DMBT1: variants seen among roughly 807,000 people sequenced by gnomAD.
DMBT1 encodes the protein scavenger receptor cysteine-rich domain-containing protein DMBT1.
A neutral mutation model predicts 252.9 loss-of-function variants in DMBT1; 198 were observed. The ratio of observed to expected loss-of-function variants is 0.78; its 90% CI spans 0.70 to 0.88. The LOEUF is 0.88. Among genes scored for constraint, DMBT1 ranks in the 40% least tolerant of loss-of-function variants. DMBT1 has a pLI of 0.00. For missense variants in DMBT1, 2,432 were observed against 2,404.7 expected, an observed-to-expected ratio of 1.01 and a Z score of -0.24; for synonymous variants, 990 against 942.7, an observed-to-expected ratio of 1.05 and a Z score of -0.92.
At chr10:122,561,300 A>C (rs1306287880) in intron 1 of DMBT1, among the ~76,000 whole-genome samples, 1 of 152,234 alleles carries the variant, frequency 6.6e-6, no homozygotes, top group Admixed American at 6.5e-5. Context: ...GAGCAAAATC[A>C]GGTCAAGTAA....
intron 5 of DMBT1, among the ~76,000 whole-genome samples, chr10:122,573,207 C>G (rs1453579756): frequency 6.6e-6 from 1 of 152,244 alleles, no homozygotes; most frequent in Non-Finnish European, 1.5e-5. Flanking sequence ...AATCCAACCA[C>G]CAAGTGGGAC....
chr10:122,563,528 C>T (rs1057152090), intron 1 of DMBT1, among the ~76,000 whole-genome samples: 3 of 150,706 alleles, frequency 2.0e-5, no homozygotes, highest in Non-Finnish European at 2.9e-5. Context: ...CAGAGGTTGC[C>T]GTGAGCCGAG....
chr10:122,622,748 G>A (rs1347447570), intron 44 of DMBT1, among the ~76,000 whole-genome samples: 3 of 152,174 alleles, frequency 2.0e-5, no homozygotes, highest in East Asian at 3.8e-4. Flanking sequence ...CCTTTGGGGC[G>A]ACGGGAAGGA....
rs1186364119 is a variant in DMBT1 at position 122,592,876 on chromosome 10, A to G, written c.2500+281A>G. On this transcript the variant is annotated intron_variant, in intron 20 of 55. Transcript: ENST00000338354. ...CCGAAGAGAAAACTGCTGGCTCCCC[A>G]GGGTTCCATTTCTCCTCAGCTGAGT... Among the ~76,000 whole-genome samples, 2 of 148,420 alleles carry G rather than the reference A, an allele frequency of 1.3e-5. 1 individual carries two copies. The highest frequency in any genetic ancestry group is 4.9e-5 in the African/African-American group (2 of 41,096).
At chr10:122,617,985 G>T (rs188010148) in intron 40 of DMBT1, 32 bp from the exon 41 acceptor site, 7 of 1,610,596 alleles carry the variant, frequency 4.3e-6, no homozygotes, top group Non-Finnish European at 4.2e-6. Flanking sequence ...TCCTGGTGGG[G>T]ATGGATGAAG....
At chr10:122,567,713 T>C (rs1007543559) in intron 2 of DMBT1, among the ~76,000 whole-genome samples, 2 of 152,080 alleles carry the variant, frequency 1.3e-5, no homozygotes, top group Non-Finnish European at 2.9e-5. Flanking sequence ...TGGCATCACG[T>C]CGGGCAGGAA....
chr10:122,620,364 G>T (rs1020912446), intron 43 of DMBT1, 73 bp downstream of exon 43: 1 of 1,555,250 alleles, frequency 6.4e-7, no homozygotes. Flanking sequence ...GAAAATGAAA[G>T]AATGAGGCTC....
In DMBT1 at chr10:122,629,926, G is replaced by C; in HGVS notation, c.5755G>C (p.Ala1919Pro). 6.2e-7 allele frequency: 1 copy of C among 1,613,984 alleles called. No individual in the cohort carries two copies. The highest frequency in any genetic ancestry group is 8.5e-7 in the Non-Finnish European group (1 of 1,179,896). The change falls in exon 47 of 56, where the codon GCT (alanine) becomes CCT (proline). Residue 1919 changes from alanine to proline, a missense_variant. This residue lies in a region of DMBT1 where 1,162 missense variants were observed against 1,169.0 expected (regional missense o/e 0.99). Transcript: ENST00000338354. ...PSYPAYYPNNAKCVWEIEVNS... is the reference protein window; with the variant it reads ...PSYPAYYPNNPKCVWEIEVNS... ...CTACCCTGCATACTACCCCAACAAT[G>C]CTAAGTGTGTTTGGGAAATAGAAGT...
intron 52 of DMBT1, among the ~76,000 whole-genome samples, chr10:122,633,618 T>G (rs1320542111): frequency 1.3e-5 from 2 of 152,202 alleles, no homozygotes; most frequent in Admixed American, 1.3e-4. Flanking sequence ...ATTTGCTGTG[T>G]GACCACAGGA....
At chr10:122,635,802 T>A (rs1451476892) in intron 52 of DMBT1, among the ~76,000 whole-genome samples, 189 bp from the exon 53 acceptor site, 2 of 152,172 alleles carry the variant, frequency 1.3e-5, no homozygotes, top group Non-Finnish European at 2.9e-5. Context: ...ATGATCCACC[T>A]GCCTTGGTCT....
intron 44 of DMBT1, among the ~76,000 whole-genome samples, chr10:122,624,992 C>T (rs1591512448): frequency 6.6e-6 from 1 of 152,232 alleles, no homozygotes; most frequent in East Asian, 1.9e-4. Flanking sequence ...ATAACCTCAG[C>T]AAATGTTGTT....
chr10:122,589,385 C>T, intron 17 of DMBT1, 118 bp downstream of exon 17: 3 of 1,442,370 alleles, frequency 2.1e-6, no homozygotes, highest in South Asian at 1.4e-5. Flanking sequence ...TTTCTGATAT[C>T]TCCTTAGCTC....
intron 1 of DMBT1, 47 bp downstream of exon 1, chr10:122,560,878 C>T (rs1361539640): frequency 2.1e-6 from 3 of 1,410,566 alleles, no homozygotes; most frequent in Admixed American, 2.0e-5. Context: ...CCTGCAGACC[C>T]AATCATGGCA....
At chr10:122,626,029 C>A in intron 46 of DMBT1, 64 bp downstream of exon 46, 10 of 1,414,400 alleles carry the variant, frequency 7.1e-6, no homozygotes, top group Non-Finnish European at 1.0e-5. Flanking sequence ...GCTTGGCTAT[C>A]CATGAGCGAA....
In DMBT1 at chr10:122,643,338, C is replaced by T. The variant is rs201579246; in HGVS notation, c.7569C>T (p.Asp2523=). The T allele has an allele frequency of 9.3e-6, 15 of 1,613,870 alleles. 1 individual carries two copies. The highest frequency in any genetic ancestry group is 4.4e-5 in the South Asian group (4 of 91,090). The change falls in exon 56 of 56, where the codon GAC becomes GAT. Residue 2523 remains aspartate, a synonymous_variant. Coordinates refer to ENST00000338354, the MANE Select transcript of DMBT1 (RefSeq NM_001377530.1). ...TGGGCTCCTACCAGGAAAAGGTGGA[C>T]GTCGTCCTGGGTCCCATCCAGCTGC... ...RDVGSYQEKV[D]VVLGPIQLQT... is the part of the protein sequence containing the mutation.
At chr10:122,635,013 C>T (rs540623662) in intron 52 of DMBT1, among the ~76,000 whole-genome samples, 3 of 152,290 alleles carry the variant, frequency 2.0e-5, no homozygotes, top group Non-Finnish European at 4.4e-5. Context: ...GCAAAAGATA[C>T]ATCATTTTAT....
chr10:122,620,997 T>C, intron 43 of DMBT1, 60 bp from the exon 44 acceptor site: 6 of 1,605,248 alleles, frequency 3.7e-6, no homozygotes, highest in Admixed American at 1.7e-5. Context: ...GTGTGGAACA[T>C]TCCTTAAATC....
intron 1 of DMBT1, 57 bp from the exon 2 acceptor site, chr10:122,565,910 A>G: frequency 1.9e-6 from 3 of 1,584,120 alleles, no homozygotes; most frequent in Non-Finnish European, 8.6e-7. Flanking sequence ...AATTTCTGTG[A>G]CTTGTAGGAA....
chr10:122,587,194 G>A (rs909607863), intron 16 of DMBT1, among the ~76,000 whole-genome samples: 2 of 148,340 alleles, frequency 1.3e-5, no homozygotes, highest in Admixed American at 6.7e-5. Flanking sequence ...TTAGGTGAGG[G>A]TGAGGTGGAT....
Sources: gnomAD v4.1 joint callset for allele counts (sites outside exome capture counted in the v4.1 genomes callset) on GRCh38, gnomAD v4.1.1 for gene constraint, gnomAD v4.1.1 regional missense constraint, MANE v1.5 for transcripts, NCBI Gene and HGNC (gene_info 2026-07-23, HGNC 2026-07-21) for gene names.